Variants in MSI2 observed in about 807,000 individuals in gnomAD.
The protein encoded by MSI2 is RNA-binding protein Musashi homolog 2.
MSI2 carries 17 observed loss-of-function variants against 45.6 expected under a neutral mutation model. The observed-to-expected ratio is 0.37, with a 90% CI of 0.26 to 0.56. The LOEUF is 0.56. Ranked by LOEUF, MSI2 falls within the 20% of genes least tolerant of loss-of-function variation. The pLI, the probability that MSI2 is intolerant of heterozygous loss-of-function variation, is 0.77. For synonymous variants in MSI2, 156 were observed against 158.2 expected, an observed-to-expected ratio of 0.99 and a Z score of 0.11; for missense variants, 293 against 444.2, an observed-to-expected ratio of 0.66 and a Z score of 3.06.
At chr17:57,449,552 G>C (rs58547146) in intron 6 of MSI2, 1 of 152,048 alleles carries the variant, frequency 6.6e-6, no homozygotes, top group Admixed American at 6.5e-5. Context: ...AGGCTTGATC[G>C]TAGACACATA....
chr17:57,513,113 A>G (rs1479521692), intron 6 of MSI2, among the ~76,000 whole-genome samples: 1 of 151,642 alleles, frequency 6.6e-6, no homozygotes, highest in Admixed American at 6.6e-5. Flanking sequence ...AGCCGGAATT[A>G]CAGGTGCCCG....
chr17:57,584,114 C>T (rs887522456), intron 7 of MSI2, among the ~76,000 whole-genome samples: 1 of 152,136 alleles, frequency 6.6e-6, no homozygotes, highest in South Asian at 2.1e-4. Flanking sequence ...TGTGCTGCCC[C>T]CTGTCCGCAG....
In MSI2 at chr17:57,616,137, C is replaced by G. The variant is rs551462495; in HGVS notation, c.652+53C>G. On this transcript the variant is annotated intron_variant, in intron 9 of 13. Transcript: ENST00000284073. ...CATGGACTGGGAGGGCTATGGAGGC[C>G]TCTACTCCCAACTGGGTCACCTACC... 3 of 1,434,696 alleles carry G rather than the reference C, an allele frequency of 2.1e-6. No individual in the cohort carries two copies. In the Admixed American group the frequency reaches 5.4e-5, roughly 26 times the overall value. 88.9% of individuals were successfully genotyped at this position (1,434,696 alleles called of 1,614,324 possible).
chr17:57,508,614 C>A (rs72833069), intron 6 of MSI2, among the ~76,000 whole-genome samples: 2,257 of 152,290 alleles, frequency 0.015, 28 homozygotes, highest in Non-Finnish European at 0.022. Flanking sequence ...CTTTGGAAGG[C>A]CTCTTCCAAA....
At chr17:57,620,118 G>A (rs9891010) in intron 9 of MSI2, among the ~76,000 whole-genome samples, 3,816 of 152,292 alleles carry the variant, frequency 0.025, 139 homozygotes, top group African/African-American at 0.086. Flanking sequence ...CTCCAGCAAG[G>A]GAGGCCGTGT....
At chr17:57,685,085 C>T (rs564820604), downstream of MSI2, among the ~76,000 whole-genome samples, 10 of 152,284 alleles carry the variant, frequency 6.6e-5, no homozygotes, top group African/African-American at 1.9e-4. Context: ...CGCCAAACCG[C>T]ATTCCACGAC....
At chr17:57,264,305 A>C (rs1286222169) in intron 5 of MSI2, 3 of 152,132 alleles carry the variant, frequency 2.0e-5, no homozygotes, top group East Asian at 3.9e-4. Flanking sequence ...ACGTAAATTA[A>C]TAAAGGTAAA....
chr17:57,653,792 A>C (rs1911364905), intron 11 of MSI2, among the ~76,000 whole-genome samples: 1 of 152,040 alleles, frequency 6.6e-6, no homozygotes, highest in Admixed American at 6.5e-5. Flanking sequence ...AAAGGGCAGC[A>C]TGGGGTTCTT....
At chr17:57,651,948 C>G (rs1911181632) in intron 10 of MSI2, 151 bp from the exon 11 acceptor site, 1 of 676,158 alleles carries the variant, frequency 1.5e-6, no homozygotes, top group African/African-American at 1.8e-5. Context: ...AGCCACTACT[C>G]TGTGTCCCTC....
intron 5 of MSI2, among the ~76,000 whole-genome samples, chr17:57,346,015 A>G (rs1048569879): frequency 4.6e-5 from 7 of 152,164 alleles, no homozygotes; most frequent in Admixed American, 2.0e-4. Flanking sequence ...AAGACGGAGA[A>G]AGAGAAGGTG....
chr17:57,676,936 T>G, intron 12 of MSI2, 51 bp from the exon 13 acceptor site: 1 of 1,144,354 alleles, frequency 8.7e-7, no homozygotes, highest in Non-Finnish European at 1.3e-6. Flanking sequence ...AATATGACAA[T>G]CTGTTCCCAT....
chr17:57,275,439 G>A (rs1392278342), intron 5 of MSI2, among the ~76,000 whole-genome samples: 1 of 152,204 alleles, frequency 6.6e-6, no homozygotes, highest in Non-Finnish European at 1.5e-5. Context: ...GGAATAGTAG[G>A]TTTTGATCTA....
intron 5 of MSI2, among the ~76,000 whole-genome samples, chr17:57,333,295 C>T (rs1914417671): frequency 6.6e-6 from 1 of 152,142 alleles, no homozygotes; most frequent in African/African-American, 2.4e-5. Flanking sequence ...TAGCAAATGA[C>T]TACTTTTTGG....
Position 57,347,841 on chromosome 17 carries a change from C to T in MSI2, c.313-53538C>T, listed in dbSNP as rs141936324. 3.6e-3 allele frequency among the ~76,000 whole-genome samples: 556 copies of T among 152,330 alleles called. 4 individuals carry two copies. Among genetic ancestry groups the T allele is most frequent in the Admixed American group, 5.7e-3 (88 of 15,308 alleles). On this transcript the variant is annotated intron_variant, in intron 5 of 13. Transcript: ENST00000284073. ...TCTTTTTCAGGACATTGGGTTTCCA[C>T]GTATCTGACCATTTCTTCTTTCTTC...
chr17:57,347,448 A>G (rs1242575093), intron 5 of MSI2, among the ~76,000 whole-genome samples: 1 of 152,198 alleles, frequency 6.6e-6, no homozygotes, highest in East Asian at 1.9e-4. Flanking sequence ...TCTACCCATC[A>G]TCCTGCCTGT....
At chr17:57,289,400 C>T (rs938690175) in intron 5 of MSI2, among the ~76,000 whole-genome samples, 13 of 152,154 alleles carry the variant, frequency 8.5e-5, no homozygotes, top group Non-Finnish European at 1.9e-4. Flanking sequence ...TTTGCTCTCT[C>T]ATCCCTGGCA....
intron 8 of MSI2, among the ~76,000 whole-genome samples, chr17:57,612,553 C>T (rs796801104): frequency 3.7e-4 from 14 of 38,350 alleles, no homozygotes; most frequent in East Asian, 1.6e-3. Context: ...TGGCCCCTGG[C>T]CTTGGGGAAC....
chr17:57,397,612 C>G (rs2083914329), intron 5 of MSI2, among the ~76,000 whole-genome samples: 1 of 152,214 alleles, frequency 6.6e-6, no homozygotes, highest in Non-Finnish European at 1.5e-5. Context: ...CTCTAGGGTT[C>G]TCTGCCTCTC....
intron 6 of MSI2, among the ~76,000 whole-genome samples, chr17:57,485,112 G>T (rs277061): frequency 0.86 from 130,383 of 152,166 alleles, 55,909 homozygotes; most frequent in East Asian, 0.93. Flanking sequence ...AGTTCAAATG[G>T]GTGTTCCCAG....
Sources: gnomAD v4.1 joint callset for allele counts (sites outside exome capture counted in the v4.1 genomes callset) on GRCh38, gnomAD v4.1.1 for gene constraint, MANE v1.5 for transcripts, NCBI Gene and HGNC (gene_info 2026-07-23, HGNC 2026-07-21) for gene names.